RMST: variants seen among roughly 807,000 people sequenced by gnomAD.
RMST encodes the protein long intergenic non-protein coding RNA 54.
chr12:97,543,320 T>G (rs1882697012), intron 11 of RMST, among the ~76,000 whole-genome samples: 1 of 151,986 alleles, frequency 6.6e-6, no homozygotes, highest in Non-Finnish European at 1.5e-5. Context: ...TCTGCATTTC[T>G]CTACCTCCTT....
At chr12:97,558,829 ACT>A (rs1400558574) in intron 11 of RMST, among the ~76,000 whole-genome samples, 2 of 152,174 alleles carry the variant, frequency 1.3e-5, no homozygotes, top group African/African-American at 4.8e-5. Context: ...GACTCCTGAT[ACT>A]GAGGCCAGCA....
intron 11 of RMST, among the ~76,000 whole-genome samples, chr12:97,543,162 A>G (rs958960897): frequency 6.6e-6 from 1 of 152,004 alleles, no homozygotes; most frequent in Non-Finnish European, 1.5e-5. Context: ...CATATGCTGG[A>G]TTATTTTTGT....
intron 13 of RMST, chr12:97,564,057 A>G: frequency 2.9e-6 from 1 of 342,998 alleles, no homozygotes; most frequent in Admixed American, 3.9e-5. Context: ...TGAGAAATCT[A>G]GGTGGATTCA....
chr12:97,532,574 A>C (rs1356022875), intron 11 of RMST: 3 of 151,246 alleles, frequency 2.0e-5, no homozygotes, highest in African/African-American at 7.3e-5. Flanking sequence ...GTATTGTCAG[A>C]ACTCTGTTGG....
chr12:97,550,306 C>T (rs1330702378), intron 11 of RMST, among the ~76,000 whole-genome samples: 4 of 152,106 alleles, frequency 2.6e-5, no homozygotes, highest in African/African-American at 9.7e-5. Context: ...GCAGGAGAAT[C>T]ACTTGAACCT....
At chr12:97,516,782 T>C (rs1879982409) in intron 10 of RMST, among the ~76,000 whole-genome samples, 1 of 151,988 alleles carries the variant, frequency 6.6e-6, no homozygotes, top group African/African-American at 2.4e-5. Flanking sequence ...AGAAAAAAAA[T>C]CCATCTTTAT....
intron 5 of RMST, among the ~76,000 whole-genome samples, chr12:97,466,710 G>A (rs913712634): frequency 5.3e-5 from 8 of 151,944 alleles, no homozygotes; most frequent in Non-Finnish European, 1.0e-4. Flanking sequence ...CTAATATCTC[G>A]TTCCAAATAC....
chr12:97,504,762 G>T (rs1453568339), intron 10 of RMST, among the ~76,000 whole-genome samples: 1 of 152,222 alleles, frequency 6.6e-6, no homozygotes, highest in East Asian at 1.9e-4. Flanking sequence ...ACTATACCTT[G>T]GCTATCCTAA....
intron 10 of RMST, among the ~76,000 whole-genome samples, chr12:97,515,209 C>A (rs1490939514): frequency 8.5e-5 from 13 of 152,204 alleles, no homozygotes; most frequent in Non-Finnish European, 1.2e-4. Flanking sequence ...ACACTCTTAA[C>A]TTTTCATAGT....
intron 5 of RMST, among the ~76,000 whole-genome samples, chr12:97,471,231 C>A (rs1029101067): frequency 6.6e-6 from 1 of 152,062 alleles, no homozygotes; most frequent in East Asian, 1.9e-4. Flanking sequence ...GGGCTTCCTT[C>A]AAGGAGGTAT....
chr12:97,557,258 G>A (rs118117396), intron 11 of RMST, among the ~76,000 whole-genome samples: 3,647 of 152,224 alleles, frequency 0.024, 68 homozygotes, highest in Middle Eastern at 0.092. Context: ...ACTAGTCAAG[G>A]AAGAGTGAAG....
chr12:97,513,854 T>G (rs1320384771), intron 10 of RMST, among the ~76,000 whole-genome samples: 1 of 152,156 alleles, frequency 6.6e-6, no homozygotes, highest in African/African-American at 2.4e-5. Flanking sequence ...GTATAGGTTA[T>G]GTCCAGAAAA....
At chr12:97,465,519 T>G (rs1873079766) in intron 4 of RMST, 1 of 152,196 alleles carries the variant, frequency 6.6e-6, no homozygotes, top group Non-Finnish European at 1.5e-5. Context: ...ACATGCACTC[T>G]GCTAATAAGA....
At chr12:97,491,992 G>A (rs1876888646) in intron 5 of RMST, 1 of 530,584 alleles carries the variant, frequency 1.9e-6, no homozygotes, top group Admixed American at 1.9e-5. Context: ...ATAAACAATG[G>A]AACTTCTCCC....
At chr12:97,465,949 C>T (rs1259156938) in intron 5 of RMST, among the ~76,000 whole-genome samples, 1 of 152,062 alleles carries the variant, frequency 6.6e-6, no homozygotes, top group Non-Finnish European at 1.5e-5. Flanking sequence ...CCTCTGTTTC[C>T]CTTCAGCCTT....
At chr12:97,538,631 A>G (rs567500005) in intron 11 of RMST, among the ~76,000 whole-genome samples, 4 of 151,536 alleles carry the variant, frequency 2.6e-5, no homozygotes, top group South Asian at 2.1e-4. Context: ...TAAGATCCCT[A>G]TTAGATATTT....
At chr12:97,503,785 A>T (rs1246599252) in intron 10 of RMST, among the ~76,000 whole-genome samples, 1 of 152,254 alleles carries the variant, frequency 6.6e-6, no homozygotes, top group East Asian at 1.9e-4. Context: ...ATTTTTGTAC[A>T]GACACACTTT....
chr12:97,556,390 C>T lies in RMST; in HGVS notation n.1546-4147C>T, dbSNP rs556116300. On this transcript the variant is annotated intron_variant and non_coding_transcript_variant, in intron 11 of 13. Transcript: ENST00000640149. ...TGTGACGTGTTAAAAGGCAGCTGGG[C>T]GGCCTCTTCACCGTGTTCCCTGAAG... Among the ~76,000 whole-genome samples the T allele has an allele frequency of 6.0e-4, 91 of 152,262 alleles. 3 individuals are homozygous for T. The highest frequency in any genetic ancestry group is 3.7e-4 in the Non-Finnish European group (25 of 68,026).
chr12:97,531,180 T>A (rs1261925306), intron 11 of RMST, among the ~76,000 whole-genome samples: 1 of 152,002 alleles, frequency 6.6e-6, no homozygotes, highest in East Asian at 1.9e-4. Context: ...TGTGTAGCGT[T>A]GGATTTATTT....
Sources: allele counts gnomAD v4.1 joint callset (sites outside exome capture counted in the v4.1 genomes callset), GRCh38; gene constraint gnomAD v4.1.1; transcripts MANE v1.5; gene names NCBI Gene and HGNC (gene_info 2026-07-23, HGNC 2026-07-21).